Variants in ACP3 observed in about 807,000 individuals in gnomAD.
ACP3 encodes prostatic acid phosphatase.
A neutral mutation model predicts 45.6 loss-of-function variants in ACP3; 38 were observed. The ratio of observed to expected loss-of-function variants is 0.83; its 90% CI spans 0.64 to 1.09. The LOEUF is 1.09. ACP3 is among the 50% of genes least tolerant of loss of function. The pLI is 0.00. For synonymous variants in ACP3, 162 were observed against 164.7 expected, an observed-to-expected ratio of 0.98 and a Z score of 0.13; for missense variants, 466 against 463.2, an observed-to-expected ratio of 1.01 and a Z score of -0.05.
downstream of ACP3, among the ~76,000 whole-genome samples, chr3:132,362,806 T>C (rs573439543): frequency 2.0e-5 from 3 of 152,262 alleles, no homozygotes; most frequent in South Asian, 2.1e-4. Flanking sequence ...CTTTGGGAAC[T>C]GGAAAAAGTC....
intron 1 of ACP3, among the ~76,000 whole-genome samples, chr3:132,325,987 T>C (rs1404556287): frequency 6.6e-6 from 1 of 152,192 alleles, no homozygotes; most frequent in East Asian, 1.9e-4. Flanking sequence ...GAGTTACCGT[T>C]GTGGTTATAG....
chr3:132,331,681 A>G lies in ACP3; in HGVS notation c.251A>G (p.Tyr84Cys). ...GAGCAGCATTATGAACTTGGAGAGT[A>G]TATAAGAAAGAGATATAGAAAATTC... ...GMEQHYELGE[Y>C]IRKRYRKFLN... The change falls in exon 3 of 10, where the codon TAT becomes TGT. Residue 84 changes from tyrosine to cysteine, a missense_variant. Coordinates refer to ENST00000336375, the MANE Select transcript of ACP3 (RefSeq NM_001099.5). 6.2e-7 allele frequency: 1 copy of G among 1,607,328 alleles called. No individual in the cohort carries two copies. The highest frequency in any genetic ancestry group is 1.7e-4 in the Middle Eastern group (1 of 6,040).
At chr3:132,333,965 G>A (rs1394852565) in intron 4 of ACP3, among the ~76,000 whole-genome samples, 1 of 152,178 alleles carries the variant, frequency 6.6e-6, no homozygotes, top group African/African-American at 2.4e-5. Context: ...CAGCTACTCA[G>A]GAGGCTGAGG....
At chr3:132,360,438 C>T (rs1257441924), downstream of ACP3, among the ~76,000 whole-genome samples, 1 of 152,064 alleles carries the variant, frequency 6.6e-6, no homozygotes, top group Non-Finnish European at 1.5e-5. Context: ...CAACCCTACT[C>T]CTTAGAGTAG....
intron 5 of ACP3, among the ~76,000 whole-genome samples, chr3:132,342,177 G>A (rs139014405): frequency 3.3e-3 from 498 of 152,300 alleles, no homozygotes; most frequent in Non-Finnish European, 4.9e-3. Flanking sequence ...AGGAACATGT[G>A]GCAGTCAGCC....
intron 8 of ACP3, among the ~76,000 whole-genome samples, chr3:132,352,518 G>T (rs1345726554): frequency 1.3e-5 from 2 of 152,036 alleles, no homozygotes; most frequent in African/African-American, 4.8e-5. Flanking sequence ...TCTTTTAAAT[G>T]AAAATAATGA....
At chr3:132,351,333 G>C (rs1436222244) in intron 8 of ACP3, among the ~76,000 whole-genome samples, 3 of 152,238 alleles carry the variant, frequency 2.0e-5, no homozygotes, top group African/African-American at 7.2e-5. Flanking sequence ...GAGAGACACA[G>C]TGTTTGGGGA....
At chr3:132,366,374 T>C (rs1938132369) in intron 10 of ACP3, among the ~76,000 whole-genome samples, 1 of 151,758 alleles carries the variant, frequency 6.6e-6, no homozygotes, top group Non-Finnish European at 1.5e-5. Context: ...ATTATAGTGA[T>C]CCTGGCAAAA....
chr3:132,341,135 C>T (rs1015117759), intron 5 of ACP3, among the ~76,000 whole-genome samples: 2 of 152,042 alleles, frequency 1.3e-5, no homozygotes, highest in African/African-American at 2.4e-5. Flanking sequence ...CTGATTTCTT[C>T]CTTTTGCCTA....
chr3:132,355,278 G>A (rs1937855976), intron 9 of ACP3, among the ~76,000 whole-genome samples: 1 of 152,190 alleles, frequency 6.6e-6, no homozygotes, highest in Non-Finnish European at 1.5e-5. Flanking sequence ...GTACAACGTA[G>A]TCTTGGCAAT....
At chr3:132,340,720 T>C (rs543274007) in intron 5 of ACP3, among the ~76,000 whole-genome samples, 33 of 152,298 alleles carry the variant, frequency 2.2e-4, no homozygotes, top group African/African-American at 6.3e-4. Context: ...GTGGGGTCTA[T>C]TTATGTAATT....
At chr3:132,328,425 T>A in intron 2 of ACP3, 63 bp downstream of exon 2, 1 of 1,427,524 alleles carries the variant, frequency 7.0e-7, no homozygotes, top group Non-Finnish European at 9.8e-7. Flanking sequence ...ACGCCTGTAA[T>A]CCCAGCACTT....
downstream of ACP3, among the ~76,000 whole-genome samples, chr3:132,361,721 A>G (rs1938043784): frequency 6.6e-6 from 1 of 152,216 alleles, no homozygotes; most frequent in South Asian, 2.1e-4. Context: ...TATTCTTATA[A>G]GCAAGATAAT....
chr3:132,362,143 T>G (rs1254435180), downstream of ACP3, among the ~76,000 whole-genome samples: 1 of 152,198 alleles, frequency 6.6e-6, no homozygotes, highest in Non-Finnish European at 1.5e-5. Flanking sequence ...ACTTCTCTTT[T>G]GAAAGCCATC....
chr3:132,352,219 G>T (rs1258777552), intron 8 of ACP3, among the ~76,000 whole-genome samples: 1 of 151,606 alleles, frequency 6.6e-6, no homozygotes, highest in Non-Finnish European at 1.5e-5. Flanking sequence ...TTATTTTATC[G>T]AGATGGAGTC....
At chr3:132,328,185 G>GTTAGA in intron 1 of ACP3, 82 bp from the exon 2 acceptor site, 5 of 921,632 alleles carry the variant, frequency 5.4e-6, no homozygotes, top group African/African-American at 5.2e-5. Context: ...CAATGAGTTA[G>GTTAGA]AAAAAAAAAA....
rs139626973 is a variant in ACP3, at chr3:132,349,231, C to T, written c.782-689C>T. 2.7e-3 allele frequency among the ~76,000 whole-genome samples: 408 copies of T among 152,300 alleles called. 3 individuals are homozygous for T. The highest frequency in any genetic ancestry group is 9.4e-3 in the African/African-American group (389 of 41,562). The stretch of plus-strand genomic sequence containing the variant: ...CTGTCTTTCACCACCTCAGGAGCAA[C>T]AGCAGTTAGGTGTTCAGATGTGAAG... On this transcript the variant is annotated intron_variant, in intron 7 of 9. Coordinates refer to ENST00000336375, the MANE Select transcript of ACP3 (RefSeq NM_001099.5).
exon 11 of ACP3, chr3:132,367,923 T>A: frequency 1.1e-6 from 1 of 875,222 alleles, no homozygotes; most frequent in Non-Finnish European, 1.9e-6. Context: ...ATTGCCATCC[T>A]CACACCCTGC....
intron 5 of ACP3, among the ~76,000 whole-genome samples, chr3:132,340,185 G>A (rs1316485808): frequency 6.6e-6 from 1 of 151,936 alleles, no homozygotes; most frequent in Admixed American, 6.6e-5. Context: ...CGTGGTGGCA[G>A]GCGCCTGTAA....
Sources: gnomAD v4.1 joint callset for allele counts (sites outside exome capture counted in the v4.1 genomes callset) on GRCh38, gnomAD v4.1.1 for gene constraint, MANE v1.5 for transcripts, NCBI Gene and HGNC (gene_info 2026-07-23, HGNC 2026-07-21) for gene names.